The following SETD4 variants were observed in gnomAD, a reference collection of about 807,000 sequenced individuals.
SETD4 encodes SET domain-containing protein 4.
SETD4 carries 46 observed loss-of-function variants against 58.3 expected under a neutral mutation model. The ratio of observed to expected loss-of-function variants is 0.79; its 90% CI spans 0.62 to 1.01. The LOEUF is 1.01. Among genes scored for constraint, SETD4 ranks in the 50% least tolerant of loss-of-function variants. SETD4 has a pLI of 0.00. For missense variants in SETD4, 490 were observed against 523.3 expected (o/e 0.94, Z 0.62); for synonymous variants, 190 against 202.6 (o/e 0.94, Z 0.53).
chr21:36,039,746 A>T (rs1336832800), intron 9 of SETD4, among the ~76,000 whole-genome samples: 1 of 152,256 alleles, frequency 6.6e-6, no homozygotes, highest in Non-Finnish European at 1.5e-5. Context: ...TAAGAATAAA[A>T]ACAAAAACTA....
In SETD4 at chr21:36,035,874, G is replaced by T; in HGVS notation, c.*119C>A. ...TCACAGCCTCACAATCCCAGAACCT[G>T]TGCTGCCCCCTGCAGAAATCCTGCA... On this transcript the variant is annotated 3_prime_UTR_variant, in exon 12 of 12. Coordinates refer to ENST00000332131, the MANE Select transcript of SETD4 (RefSeq NM_017438.5). 1.9e-6 allele frequency: 1 copy of T among 520,420 alleles called. No homozygotes were observed. Among genetic ancestry groups the T allele is most frequent in the Non-Finnish European group, 3.4e-6 (1 of 292,644 alleles). The allele number at this position is 520,420 out of a possible 1,614,324, so 32.2% of individuals were successfully genotyped here.
chr21:36,060,115 T>A (rs2065218241), intron 1 of SETD4: 5 of 985,620 alleles, frequency 5.1e-6, no homozygotes, highest in Non-Finnish European at 6.0e-6. Flanking sequence ...ACCTCGGGCC[T>A]CAGGCTCCTC....
At chr21:36,050,191 A>T in intron 4 of SETD4, 1 of 1,126,370 alleles carries the variant, frequency 8.9e-7, no homozygotes, top group Non-Finnish European at 1.4e-6. Context: ...GAAACAATCC[A>T]GGCAAGGAAG....
At chr21:36,059,864 C>T (rs1269100098) in intron 1 of SETD4, 21 of 985,428 alleles carry the variant, frequency 2.1e-5, no homozygotes, top group Non-Finnish European at 2.4e-5. Flanking sequence ...CGAACGGCGG[C>T]TGGTTCGGTG....
intron 4 of SETD4, among the ~76,000 whole-genome samples, chr21:36,049,734 A>G: frequency 6.6e-6 from 1 of 152,192 alleles, no homozygotes; most frequent in Admixed American, 6.5e-5. Context: ...CAAACTGTAC[A>G]CTTCACTGTG....
Position 36,060,382 on chromosome 21 carries a change from C to A in SETD4, c.-72G>T. The A allele has an allele frequency of 6.5e-6, 1 of 153,536 alleles. No individual in the cohort carries two copies. The highest frequency in any genetic ancestry group is 1.4e-5 in the Non-Finnish European group (1 of 69,110). The allele number at this position is 153,536 out of a possible 1,614,324, so 9.5% of individuals were successfully genotyped here. A position where few individuals can be genotyped will look rare whatever the true frequency, so the allele number is the denominator to read the frequency against. ...GCGGCCGCTTCCAAGATGGAGGCTG[C>A]AGTGGGCGGGCCCAAGGCACGTGGA... On this transcript the variant is annotated 5_prime_UTR_variant, in exon 1 of 12. Coordinates refer to ENST00000332131, the MANE Select transcript of SETD4 (RefSeq NM_017438.5).
At chr21:36,051,180 G>C in intron 4 of SETD4, 1 of 1,598,700 alleles carries the variant, frequency 6.3e-7, no homozygotes, top group African/African-American at 1.3e-5. Context: ...GCTCTCTGTG[G>C]TGTCCACTGC....
intron 4 of SETD4, chr21:36,050,928 A>T (rs762539666): frequency 5.0e-6 from 8 of 1,609,714 alleles, no homozygotes; most frequent in African/African-American, 1.3e-5. Flanking sequence ...TGTGGGGATG[A>T]TGTGTTCATT....
chr21:36,058,685 T>G, intron 2 of SETD4, 131 bp downstream of exon 2: 3 of 1,083,542 alleles, frequency 2.8e-6, no homozygotes, highest in Non-Finnish European at 3.9e-6. Context: ...ACCACTGCAC[T>G]CCAGCCTGGG....
chr21:36,057,292 T>A, intron 2 of SETD4, 88 bp from the exon 3 acceptor site: 1 of 970,948 alleles, frequency 1.0e-6, no homozygotes. Flanking sequence ...ATGAAATGTG[T>A]CAGACAGACT....
chr21:36,037,827 C>G (rs2063855379), intron 10 of SETD4, among the ~76,000 whole-genome samples: 1 of 151,634 alleles, frequency 6.6e-6, no homozygotes, highest in Non-Finnish European at 1.5e-5. Flanking sequence ...GAAACCCCGT[C>G]TTTACTAAAA....
At chr21:36,045,523 C>T in intron 6 of SETD4, 59 bp downstream of exon 6, 3 of 1,567,492 alleles carry the variant, frequency 1.9e-6, no homozygotes, top group Non-Finnish European at 2.6e-6. Flanking sequence ...GCCACAGGTT[C>T]TGGGCAGCGG....
chr21:36,050,354 G>C (rs2064596150), intron 4 of SETD4: 4 of 1,613,560 alleles, frequency 2.5e-6, no homozygotes, highest in Admixed American at 1.7e-5. Flanking sequence ...CTGTGGTGAT[G>C]GATGAGGTGG....
intron 4 of SETD4, chr21:36,050,774 T>C (rs1478311938): frequency 1.2e-6 from 2 of 1,612,360 alleles, no homozygotes; most frequent in African/African-American, 2.7e-5. Flanking sequence ...TTATTTGCCA[T>C]GAAGCGCCAT....
intron 4 of SETD4, chr21:36,051,033 TTC>T (rs2064653630): frequency 1.5e-5 from 23 of 1,514,742 alleles, no homozygotes; most frequent in Non-Finnish European, 2.0e-5. Flanking sequence ...TGGCAGCTCC[TTC>T]TGTGTCTGTG....
In SETD4 at chr21:36,043,901, C is replaced by T. The variant is rs113414941; in HGVS notation, c.782G>A (p.Arg261His). Residue 261 changes from arginine (R) to histidine (H), a missense_variant, in exon 7 of 12, where the codon CGT becomes CAT. By Grantham distance (29) the Arg-to-His change is conservative (BLOSUM62 0). Coordinates refer to ENST00000332131, the MANE Select transcript of SETD4 (RefSeq NM_017438.5). ...GAATACCTCTTCATGCTTTCTCCAA[C>T]GTGAAGTCGTTCTAATTTCGTAAGA... is the stretch of plus-strand genomic sequence containing the variant. The part of the protein sequence containing the change: ...THSYEIRTTS[R>H]WRKHEEVFIC... The T allele has an allele frequency of 2.0e-5, 33 of 1,614,204 alleles. No homozygotes were observed. In the African/African-American group the frequency reaches 2.7e-4, roughly 13 times the overall value.
chr21:36,059,906 C>G, intron 1 of SETD4: 1 of 985,394 alleles, frequency 1.0e-6, no homozygotes, highest in Non-Finnish European at 1.2e-6. Context: ...CAGACCGCGC[C>G]GGGAAGTGTC....
chr21:36,050,537 A>C, intron 4 of SETD4: 1 of 1,614,044 alleles, frequency 6.2e-7, no homozygotes, highest in Non-Finnish European at 8.5e-7. Context: ...ACCGACTTCA[A>C]GCCATCCTGA....
rs767687783 is a variant in SETD4 at position 36,057,140 on chromosome 21, T to C, written c.138A>G (p.Gln46=). The change falls in exon 3 of 12, where the codon CAA becomes CAG. Residue 46 remains glutamine, a synonymous_variant. Transcript: ENST00000332131. ...AACAAGCAGGCGCTAAGTTTGAATC[T>C]TGAAACTTCCTAGCTTTCAGCCACT... is the stretch of plus-strand genomic sequence containing the variant. ...LRKWLKARKF[Q]DSNLAPACFP... The C allele has an allele frequency of 4.3e-6, 7 of 1,614,104 alleles. No individual in the cohort carries two copies. The East Asian group carries it at 1.1e-4, about 26-fold the overall frequency.
Sources: allele counts gnomAD v4.1 joint callset (sites outside exome capture counted in the v4.1 genomes callset), GRCh38; gene constraint gnomAD v4.1.1; transcripts MANE v1.5; gene names NCBI Gene and HGNC (gene_info 2026-07-23, HGNC 2026-07-21).